Variants in GRM5 observed in about 807,000 individuals in gnomAD.
The protein encoded by GRM5 is glutamate metabotropic receptor 5.
A neutral mutation model predicts 83.1 loss-of-function variants in GRM5; 19 were observed. The observed-to-expected ratio is 0.23, with a 90% CI of 0.16 to 0.34. The LOEUF is 0.34. Among genes scored for constraint, GRM5 ranks in the 10% least tolerant of loss-of-function variants. GRM5 has a pLI of 1.00. For missense variants in GRM5, 1,160 were observed against 1,588.3 expected (o/e 0.73, Z 4.58); for synonymous variants, 675 against 633.6 (o/e 1.07, Z -0.98).
chr11:88,903,090 T>G (rs1428689464), intron 2 of GRM5, among the ~76,000 whole-genome samples: 3 of 152,016 alleles, frequency 2.0e-5, no homozygotes, highest in African/African-American at 7.2e-5. Context: ...ATAATATTTA[T>G]TTGTGCACCT....
At chr11:89,060,963 T>G (rs1941979189) in intron 1 of GRM5, among the ~76,000 whole-genome samples, 2 of 152,156 alleles carry the variant, frequency 1.3e-5, no homozygotes, top group African/African-American at 4.8e-5. Context: ...AATATTTCTC[T>G]GAATATGAAT....
chr11:89,018,588 T>C (rs1289937982), intron 2 of GRM5, among the ~76,000 whole-genome samples: 1 of 152,164 alleles, frequency 6.6e-6, no homozygotes, highest in East Asian at 1.9e-4. Context: ...GGCACTGGGA[T>C]ACGGAAATTA....
intron 9 of GRM5, among the ~76,000 whole-genome samples, chr11:88,521,066 C>G (rs772824829): frequency 3.3e-5 from 5 of 152,026 alleles, no homozygotes; most frequent in African/African-American, 4.8e-5. Context: ...CAAAGAGAGA[C>G]TAGGAGGCTC....
At chr11:88,916,840 C>A (rs1232706190) in intron 2 of GRM5, among the ~76,000 whole-genome samples, 2 of 152,168 alleles carry the variant, frequency 1.3e-5, no homozygotes, top group Non-Finnish European at 2.9e-5. Flanking sequence ...CAAATCTAAT[C>A]CATAAAGACC....
At chr11:89,057,045 A>G (rs1941892141) in intron 1 of GRM5, among the ~76,000 whole-genome samples, 1 of 152,210 alleles carries the variant, frequency 6.6e-6, no homozygotes, top group African/African-American at 2.4e-5. Flanking sequence ...TTCACAGCTC[A>G]CATTGTCCTT....
intron 2 of GRM5, among the ~76,000 whole-genome samples, chr11:88,967,329 C>T (rs1172338474): frequency 6.7e-6 from 1 of 150,184 alleles, no homozygotes; most frequent in African/African-American, 2.4e-5. Flanking sequence ...AAAATGATGC[C>T]CCTACCACTT....
chr11:88,633,374 T>C (rs574206341), intron 4 of GRM5, among the ~76,000 whole-genome samples: 5 of 152,322 alleles, frequency 3.3e-5, no homozygotes, highest in African/African-American at 1.2e-4. Context: ...TCCAACACAG[T>C]CATTTTTTCT....
chr11:88,726,754 T>C (rs367940792), intron 3 of GRM5, among the ~76,000 whole-genome samples: 1 of 148,586 alleles, frequency 6.7e-6, no homozygotes, highest in Non-Finnish European at 1.5e-5. Context: ...TTAAAGAAAA[T>C]AATTGTCAAC....
intron 2 of GRM5, among the ~76,000 whole-genome samples, chr11:88,865,853 T>C (rs1469120697): frequency 1.3e-5 from 2 of 151,974 alleles, no homozygotes; most frequent in Non-Finnish European, 2.9e-5. Flanking sequence ...AAAACCACAA[T>C]GAGATGCCAT....
intron 7 of GRM5, among the ~76,000 whole-genome samples, chr11:88,584,419 TTC>T (rs1452527507): frequency 2.0e-5 from 3 of 152,036 alleles, no homozygotes; most frequent in African/African-American, 7.2e-5. Context: ...TGATTGCATT[TTC>T]TTTCTTTTCT....
intron 3 of GRM5, among the ~76,000 whole-genome samples, chr11:88,754,321 T>C (rs1021772851): frequency 5.3e-5 from 8 of 152,144 alleles, no homozygotes; most frequent in African/African-American, 1.9e-4. Flanking sequence ...TGCTAATGGA[T>C]GCAAGGCTTA....
intron 2 of GRM5, among the ~76,000 whole-genome samples, chr11:88,991,175 C>G (rs1347475470): frequency 6.6e-6 from 1 of 152,104 alleles, no homozygotes; most frequent in Non-Finnish European, 1.5e-5. Context: ...TCTCAGGATA[C>G]AAAATCAATG....
chr11:88,724,359 A>G (rs1467072919), intron 3 of GRM5, among the ~76,000 whole-genome samples: 2 of 152,096 alleles, frequency 1.3e-5, no homozygotes, highest in African/African-American at 4.8e-5. Context: ...CTCTGCTTAC[A>G]CTGTGTCCTA....
intron 7 of GRM5, among the ~76,000 whole-genome samples, chr11:88,590,212 G>T (rs1415700379): frequency 6.6e-6 from 1 of 152,134 alleles, no homozygotes; most frequent in Non-Finnish European, 1.5e-5. Flanking sequence ...GCCCAATTCG[G>T]TGATATCTTT....
intron 3 of GRM5, among the ~76,000 whole-genome samples, chr11:88,814,444 C>G (rs1194295584): frequency 1.3e-5 from 2 of 152,150 alleles, no homozygotes; most frequent in East Asian, 3.9e-4. Flanking sequence ...TTGAATCGAA[C>G]AGTACTCAGG....
chr11:88,552,783 T>C (rs1193007184), intron 8 of GRM5, among the ~76,000 whole-genome samples: 2 of 152,158 alleles, frequency 1.3e-5, no homozygotes, highest in Middle Eastern at 3.2e-3. Context: ...AAAAGCTGTC[T>C]GCTCCTCTCA....
At chr11:88,891,669 C>A (rs1285145527) in intron 2 of GRM5, among the ~76,000 whole-genome samples, 1 of 149,690 alleles carries the variant, frequency 6.7e-6, no homozygotes, top group East Asian at 2.0e-4. Context: ...CTTTGTCAGT[C>A]ATGTTTTTAA....
At chr11:89,004,497 G>C (rs1350058956) in intron 2 of GRM5, among the ~76,000 whole-genome samples, 1 of 152,112 alleles carries the variant, frequency 6.6e-6, no homozygotes, top group African/African-American at 2.4e-5. Flanking sequence ...AGCAGGATTG[G>C]GGACCACTGG....
intron 3 of GRM5, among the ~76,000 whole-genome samples, chr11:88,806,237 G>A (rs757221198): frequency 4.6e-5 from 7 of 152,144 alleles, no homozygotes; most frequent in African/African-American, 9.7e-5. Context: ...AGGTCCACAG[G>A]GAGGAGGAGA....
Sources: allele counts gnomAD v4.1 joint callset (sites outside exome capture counted in the v4.1 genomes callset), GRCh38; gene constraint gnomAD v4.1.1; transcripts MANE v1.5; gene names NCBI Gene and HGNC (gene_info 2026-07-23, HGNC 2026-07-21).